KCNH7: variants seen among roughly 807,000 people sequenced by gnomAD.
The protein encoded by KCNH7 is potassium voltage-gated channel subfamily H member 7.
Under a neutral mutation model 120.8 loss-of-function variants are expected in KCNH7, and 49 were observed. That is an observed-to-expected ratio of 0.41 (90% CI 0.32 to 0.51). KCNH7 has a LOEUF of 0.51. Among genes scored for constraint, KCNH7 ranks in the 20% least tolerant of loss-of-function variants. The probability of loss-of-function intolerance (pLI) is 0.38; values close to 1 mark genes in which losing one functional copy is unlikely to be tolerated. For synonymous variants in KCNH7, 547 were observed against 516.1 expected (o/e 1.06, Z -0.81); for missense variants, 1,097 against 1,446.6 (o/e 0.76, Z 3.92).
At chr2:162,661,424 A>T (rs1413029994) in intron 2 of KCNH7, among the ~76,000 whole-genome samples, 2 of 152,224 alleles carry the variant, frequency 1.3e-5, no homozygotes, top group Non-Finnish European at 2.9e-5. Context: ...TCTTTAATAA[A>T]ATACAGTGAA....
chr2:162,614,905 T>C (rs999415995), intron 2 of KCNH7, among the ~76,000 whole-genome samples: 2 of 152,018 alleles, frequency 1.3e-5, no homozygotes, highest in African/African-American at 4.8e-5. Flanking sequence ...ATATTCATTA[T>C]ATCATTTTTG....
intron 2 of KCNH7, among the ~76,000 whole-genome samples, chr2:162,544,340 G>A (rs1434031931): frequency 2.0e-5 from 3 of 152,062 alleles, no homozygotes; most frequent in Non-Finnish European, 2.9e-5. Context: ...GCATTTGAAA[G>A]CACATTTTAG....
intron 2 of KCNH7, among the ~76,000 whole-genome samples, chr2:162,676,248 A>G (rs11884063): frequency 0.02 from 3,060 of 151,618 alleles, 104 homozygotes; most frequent in African/African-American, 0.068. Flanking sequence ...CTTACAGGAA[A>G]GCATGTTAGT....
At chr2:162,603,913 A>T (rs978820145) in intron 2 of KCNH7, among the ~76,000 whole-genome samples, 1 of 152,158 alleles carries the variant, frequency 6.6e-6, no homozygotes, top group African/African-American at 2.4e-5. Context: ...TTTGTTATAG[A>T]TGGTAGACAA....
At chr2:162,453,124 C>A (rs1259350003) in intron 6 of KCNH7, among the ~76,000 whole-genome samples, 1 of 152,100 alleles carries the variant, frequency 6.6e-6, no homozygotes, top group Non-Finnish European at 1.5e-5. Flanking sequence ...CCTACCCCAA[C>A]AGGCCTCTGT....
At chr2:162,687,051 G>A (rs1013542097) in intron 2 of KCNH7, among the ~76,000 whole-genome samples, 3 of 152,090 alleles carry the variant, frequency 2.0e-5, no homozygotes, top group East Asian at 1.9e-4. Flanking sequence ...ACCAAAAAGC[G>A]AGTGTCCCTC....
chr2:162,648,971 C>T (rs1684476248), intron 2 of KCNH7, among the ~76,000 whole-genome samples: 1 of 152,140 alleles, frequency 6.6e-6, no homozygotes, highest in African/African-American at 2.4e-5. Flanking sequence ...AATGCTCAGA[C>T]ATGATTCTCC....
chr2:162,472,334 A>G (rs1574000284), intron 6 of KCNH7, among the ~76,000 whole-genome samples: 1 of 152,258 alleles, frequency 6.6e-6, no homozygotes, highest in East Asian at 1.9e-4. Context: ...TTTGCAATCT[A>G]CTCATCTGAC....
intron 2 of KCNH7, among the ~76,000 whole-genome samples, chr2:162,717,508 T>C (rs1394662488): frequency 6.6e-6 from 1 of 152,116 alleles, no homozygotes; most frequent in African/African-American, 2.4e-5. Context: ...CTTGTCATTC[T>C]TCAAAGTCCT....
At chr2:162,540,540 A>G (rs1375820153) in intron 2 of KCNH7, among the ~76,000 whole-genome samples, 1 of 152,032 alleles carries the variant, frequency 6.6e-6, no homozygotes, top group African/African-American at 2.4e-5. Context: ...AAGGCGTTTT[A>G]TTGTACTGTG....
chr2:162,800,957 C>T (rs1332448951), intron 2 of KCNH7, among the ~76,000 whole-genome samples: 1 of 151,800 alleles, frequency 6.6e-6, no homozygotes, highest in African/African-American at 2.4e-5. Flanking sequence ...AAATCTCTTG[C>T]TGGCTTTTCT....
chr2:162,405,896 C>T (rs1687199914), intron 9 of KCNH7, among the ~76,000 whole-genome samples: 1 of 151,898 alleles, frequency 6.6e-6, no homozygotes, highest in Admixed American at 6.6e-5. Context: ...CCAGTGGAGT[C>T]AGAAGGGAGC....
chr2:162,609,857 G>A (rs530423677), intron 2 of KCNH7, among the ~76,000 whole-genome samples: 32 of 152,236 alleles, frequency 2.1e-4, no homozygotes, highest in East Asian at 1.9e-3. Context: ...CTCTGGGGAC[G>A]GGTCTGGTCC....
chr2:162,395,883 T>A (rs968014920), intron 11 of KCNH7, among the ~76,000 whole-genome samples: 3 of 151,702 alleles, frequency 2.0e-5, no homozygotes, highest in African/African-American at 7.3e-5. Flanking sequence ...ACTTTAGGGT[T>A]TTTTTCCCCA....
intron 2 of KCNH7, among the ~76,000 whole-genome samples, chr2:162,603,581 C>T (rs141044118): frequency 5.3e-5 from 8 of 152,226 alleles, no homozygotes; most frequent in African/African-American, 1.2e-4. Context: ...GTGGCACACA[C>T]CTCTTATCCC....
chr2:162,744,965 GGCTGGTTCCC>G (rs1172914483), intron 2 of KCNH7, among the ~76,000 whole-genome samples: 1 of 152,132 alleles, frequency 6.6e-6, no homozygotes, highest in Non-Finnish European at 1.5e-5. Context: ...TTAACTTTTT[GGCTGGTTCCC>G]ACATACAAGT....
In KCNH7 at chr2:162,806,245, T is replaced by C. The variant is rs1192267930; in HGVS notation, c.307+30292A>G. On this transcript the variant is annotated intron_variant, in intron 2 of 15. Transcript: ENST00000332142. ...TCAAAAGCTATCGAAATTTTAAAAA[T>C]TGAAAAATAAAATAAAATAAATTTT... is the stretch of plus-strand genomic sequence containing the variant. 2.0e-5 allele frequency among the ~76,000 whole-genome samples: 3 copies of C among 152,082 alleles called. No homozygotes were observed. The East Asian group carries it at 5.8e-4, about 29-fold the overall frequency.
At chr2:162,694,285 A>G (rs191149903) in intron 2 of KCNH7, among the ~76,000 whole-genome samples, 1 of 152,304 alleles carries the variant, frequency 6.6e-6, no homozygotes, top group East Asian at 1.9e-4. Flanking sequence ...AAGGCATCCA[A>G]TGCCATTGAG....
intron 2 of KCNH7, among the ~76,000 whole-genome samples, chr2:162,814,334 A>G (rs769412340): frequency 5.9e-5 from 9 of 152,164 alleles, no homozygotes; most frequent in Non-Finnish European, 1.3e-4. Flanking sequence ...TTTCATCTTT[A>G]GATAATATTG....
Sources: gnomAD v4.1 joint callset for allele counts (sites outside exome capture counted in the v4.1 genomes callset) on GRCh38, gnomAD v4.1.1 for gene constraint, MANE v1.5 for transcripts, NCBI Gene and HGNC (gene_info 2026-07-23, HGNC 2026-07-21) for gene names.